ESD: variants seen among roughly 807,000 people sequenced by gnomAD.
ESD encodes S-formylglutathione hydrolase.
A neutral mutation model predicts 38.1 loss-of-function variants in ESD; 34 were observed. The observed-to-expected ratio is 0.89, with a 90% confidence interval of 0.68 to 1.19. The LOEUF (loss-of-function observed/expected upper bound fraction) is 1.19. ESD is among the 50% of genes most tolerant of loss of function. The pLI, the probability that ESD is intolerant of heterozygous loss-of-function variation, is 0.00. For missense variants in ESD, 334 were observed against 327.2 expected (o/e 1.02, Z -0.16); for synonymous variants, 97 against 107.0 (o/e 0.91, Z 0.58).
At chr13:46,792,314 G>C (rs918539199) in intron 2 of ESD, among the ~76,000 whole-genome samples, 2 of 151,930 alleles carry the variant, frequency 1.3e-5, no homozygotes, top group African/African-American at 4.8e-5. Flanking sequence ...ATCAGGAACA[G>C]GTATTACCAC....
intron 7 of ESD, 148 bp from the exon 8 acceptor site, chr13:46,780,181 C>T (rs1355078365): frequency 1.5e-5 from 8 of 530,650 alleles, no homozygotes; most frequent in Non-Finnish European, 2.6e-5. Context: ...AACAATTTTC[C>T]TTTTGATATA....
chr13:46,784,614 CT>C (rs1386236201), intron 4 of ESD, among the ~76,000 whole-genome samples: 1 of 151,846 alleles, frequency 6.6e-6, no homozygotes, highest in African/African-American at 2.4e-5. Flanking sequence ...TTATCTCATG[CT>C]ATATTGTGAA....
intron 7 of ESD, among the ~76,000 whole-genome samples, chr13:46,780,566 A>C (rs1874962936): frequency 6.6e-6 from 1 of 151,688 alleles, no homozygotes; most frequent in Non-Finnish European, 1.5e-5. Flanking sequence ...TCATCAATGT[A>C]AATGTTTAGT....
chr13:46,785,095 T>A (rs1048690772), intron 4 of ESD, among the ~76,000 whole-genome samples: 2 of 152,166 alleles, frequency 1.3e-5, no homozygotes, highest in Non-Finnish European at 2.9e-5. Context: ...TTCACTGAAC[T>A]AAAAAGAGAG....
At chr13:46,773,937 G>A (rs1874698823) in intron 9 of ESD, among the ~76,000 whole-genome samples, 1 of 152,146 alleles carries the variant, frequency 6.6e-6, no homozygotes. Context: ...AAGTTAAACA[G>A]GCCTGGAGTT....
intron 8 of ESD, among the ~76,000 whole-genome samples, chr13:46,777,976 T>C (rs1439727021): frequency 6.6e-6 from 1 of 151,890 alleles, no homozygotes; most frequent in Non-Finnish European, 1.5e-5. Context: ...TTGTAACTCC[T>C]TCCACAAATT....
At chr13:46,796,502 A>G (rs1216967) in intron 1 of ESD, among the ~76,000 whole-genome samples, 100,511 of 152,104 alleles carry the variant, frequency 0.66, 34,916 homozygotes, top group African/African-American at 0.88. Context: ...CCATTTCCCT[A>G]ATGACCCCAT....
Position 46,777,460 on chromosome 13 carries a change from T to C in ESD, c.764A>G (p.Gln255Arg), listed in dbSNP as rs776344131. Residue 255 changes from glutamine to arginine, a missense_variant, in exon 9 of 10, where the codon CAA (glutamine) becomes CGA (arginine). Transcript: ENST00000378720. The part of the protein sequence containing the change: ...EKKIPVVFRL[Q>R]EGYDHSYYFI... ...CTAAAGTTTCCTAATACTTGCCTCT[T>C]GCAATCGAAAAACAACGGGGATTTT... 3.1e-6 allele frequency: 5 copies of C among 1,602,444 alleles called. No homozygotes were observed. Among genetic ancestry groups the C allele is most frequent in the Non-Finnish European group, 1.7e-6 (2 of 1,172,948 alleles).
intron 5 of ESD, 48 bp from the exon 6 acceptor site, chr13:46,782,839 C>T (rs1875057024): frequency 6.3e-7 from 1 of 1,597,536 alleles, no homozygotes; most frequent in Non-Finnish European, 8.5e-7. Context: ...AGTAATGGCC[C>T]ATGTTTAATA....
At position 46,787,126 on chromosome 13, in the gene ESD, C is replaced by T; in HGVS notation, c.69-17G>A. 1 of 1,461,770 alleles carries T rather than the reference C, an allele frequency of 6.8e-7. No individual in the cohort carries two copies. The highest frequency in any genetic ancestry group is 9.4e-7 in the Non-Finnish European group (1 of 1,069,442). 90.5% of individuals were successfully genotyped at this position (1,461,770 alleles called of 1,614,324 possible). ...AGTTCAACACTAGTTTTAACAAAAA[C>T]AACAACAAAATATTAATGCCCCTCA... is the stretch of plus-strand genomic sequence containing the variant. On this transcript the variant is annotated splice_polypyrimidine_tract_variant and intron_variant, in intron 3 of 9. Coordinates refer to ENST00000378720, the MANE Select transcript of ESD (RefSeq NM_001984.2).
chr13:46,774,382 G>A (rs1294984934), intron 9 of ESD, among the ~76,000 whole-genome samples: 1 of 152,144 alleles, frequency 6.6e-6, no homozygotes, highest in African/African-American at 2.4e-5. Context: ...CACAATTCGA[G>A]CTAATTGTAT....
chr13:46,784,097 A>T (rs1292103319), intron 5 of ESD, among the ~76,000 whole-genome samples, 155 bp downstream of exon 5: 1 of 152,012 alleles, frequency 6.6e-6, no homozygotes, highest in Non-Finnish European at 1.5e-5. Context: ...GAAAATGTAC[A>T]GCATGGTATT....
intron 3 of ESD, among the ~76,000 whole-genome samples, chr13:46,787,458 T>C (rs1280347039): frequency 1.3e-5 from 2 of 151,932 alleles, no homozygotes; most frequent in Non-Finnish European, 1.5e-5. Context: ...TCATCTTTCA[T>C]AAAAAAATGA....
chr13:46,778,987 GT>G (rs1282209225), intron 8 of ESD, among the ~76,000 whole-genome samples: 1 of 117,994 alleles, frequency 8.5e-6, no homozygotes, highest in Non-Finnish European at 1.9e-5. Flanking sequence ...AGACAAAGAA[GT>G]TGCATTTTTT....
chr13:46,784,209 G>T, intron 5 of ESD, 43 bp downstream of exon 5: 1 of 1,480,786 alleles, frequency 6.8e-7, no homozygotes, highest in Non-Finnish European at 9.4e-7. Context: ...CAGTCTTAAA[G>T]ATTTAGATTT....
intron 9 of ESD, among the ~76,000 whole-genome samples, chr13:46,774,704 T>C (rs773601120): frequency 1.3e-5 from 2 of 152,206 alleles, no homozygotes; most frequent in Non-Finnish European, 2.9e-5. Context: ...GGCAGTGTTT[T>C]CTTATATATT....
intron 8 of ESD, 66 bp downstream of exon 8, chr13:46,779,869 A>G: frequency 8.0e-7 from 1 of 1,243,706 alleles, no homozygotes. Context: ...AATATAATAT[A>G]TGTCCAACCT....
intron 9 of ESD, among the ~76,000 whole-genome samples, chr13:46,772,290 A>G (rs906973762): frequency 3.9e-5 from 6 of 152,216 alleles, no homozygotes; most frequent in Non-Finnish European, 8.8e-5. Context: ...AGAGATTTCT[A>G]TCTATCCAGT....
In ESD at chr13:46,796,686, C is replaced by T. The variant is rs1433756839; in HGVS notation, c.-56+419G>A. On this transcript the variant is annotated intron_variant, in intron 1 of 9. Coordinates refer to ENST00000378720, the MANE Select transcript of ESD (RefSeq NM_001984.2). ...TGCCTAGAGCAGCAGGTCCACACTC[C>T]CCCGAACCAGGCGCCGGCGGCCGCT... Among the ~76,000 whole-genome samples the T allele has an allele frequency of 1.3e-4, 20 of 152,360 alleles. No individual in the cohort carries two copies. In the East Asian group the frequency reaches 3.1e-3, roughly 24 times the overall value.
Sources: gnomAD v4.1 joint callset for allele counts (sites outside exome capture counted in the v4.1 genomes callset) on GRCh38, gnomAD v4.1.1 for gene constraint, MANE v1.5 for transcripts, NCBI Gene and HGNC (gene_info 2026-07-23, HGNC 2026-07-21) for gene names.